TPTE: variants seen among roughly 807,000 people sequenced by gnomAD.
TPTE encodes transmembrane phosphatase with tensin homology.
In TPTE, 59 loss-of-function variants were observed where a neutral mutation model predicts 84.1. The observed-to-expected ratio is 0.70, with a 90% CI of 0.57 to 0.87. The LOEUF (loss-of-function observed/expected upper bound fraction) is 0.87. TPTE is among the 40% of genes least tolerant of loss of function. TPTE has a pLI of 0.00. For missense variants in TPTE, 382 were observed against 659.6 expected (o/e 0.58, Z 4.61); for synonymous variants, 130 against 223.5 (o/e 0.58, Z 3.73).
chr21:10,562,320 A>G (rs1350783066), intron 10 of TPTE, among the ~76,000 whole-genome samples: 1 of 152,308 alleles, frequency 6.6e-6, no homozygotes, highest in Non-Finnish European at 1.5e-5. Context: ...GAAAACTACA[A>G]TCAATACCTA....
At chr21:10,580,545 G>A (rs1165718863) in intron 17 of TPTE, among the ~76,000 whole-genome samples, 1 of 152,308 alleles carries the variant, frequency 6.6e-6, no homozygotes, top group Non-Finnish European at 1.5e-5. Flanking sequence ...GAGATAGGTT[G>A]CAATTTCATT....
At chr21:10,576,734 T>A (rs2075158922) in intron 14 of TPTE, 1 of 152,336 alleles carries the variant, frequency 6.6e-6, no homozygotes, top group South Asian at 2.1e-4. Flanking sequence ...TGTGTATGTT[T>A]CAGAAAGATG....
intron 21 of TPTE, among the ~76,000 whole-genome samples, chr21:10,598,959 A>AATACG (rs1568786857): frequency 6.6e-6 from 1 of 152,312 alleles, no homozygotes; most frequent in Non-Finnish European, 1.5e-5. Flanking sequence ...TTACTCTTAA[A>AATACG]GGATGACCCG....
intron 7 of TPTE, among the ~76,000 whole-genome samples, chr21:10,549,965 G>C (rs2074542779): frequency 6.6e-6 from 1 of 152,306 alleles, no homozygotes; most frequent in African/African-American, 2.4e-5. Flanking sequence ...ACTAACAGCT[G>C]ATTTCCCAGT....
intron 3 of TPTE, among the ~76,000 whole-genome samples, chr21:10,531,491 C>G (rs1188692478): frequency 6.6e-6 from 1 of 152,308 alleles, no homozygotes; most frequent in Non-Finnish European, 1.5e-5. Context: ...AACTGTGAGC[C>G]AAATAAACCT....
chr21:10,557,394 A>G (rs548880611), intron 8 of TPTE, among the ~76,000 whole-genome samples: 8 of 152,424 alleles, frequency 5.2e-5, no homozygotes, highest in Non-Finnish European at 8.8e-5. Context: ...GGTACACTGA[A>G]ACAGATTAAG....
In TPTE at chr21:10,561,937, G is replaced by A. The variant is rs574822842; in HGVS notation, c.446+746G>A. Among the ~76,000 whole-genome samples the A allele has an allele frequency of 2.8e-4, 43 of 152,396 alleles. No homozygotes were observed. The East Asian group carries it at 5.2e-3, about 18-fold the overall frequency. ...TACAGCAGGTCTTGGGCAAGACCCCGTGCTGTGCTGGCCTCAGGTCTGACC... is the reference window on the plus strand; with the variant it reads ...TACAGCAGGTCTTGGGCAAGACCCCATGCTGTGCTGGCCTCAGGTCTGACC... On this transcript the variant is annotated intron_variant, in intron 10 of 23. Transcript: ENST00000618007.
intron 21 of TPTE, among the ~76,000 whole-genome samples, chr21:10,599,884 G>A (rs545004280): frequency 6.6e-6 from 1 of 151,996 alleles, no homozygotes; most frequent in African/African-American, 2.4e-5. Context: ...TTGAGCCAGG[G>A]TCTCATTCTG....
At chr21:10,596,914 A>G (rs2145791390) in intron 20 of TPTE, among the ~76,000 whole-genome samples, 2 of 152,430 alleles carry the variant, frequency 1.3e-5, no homozygotes, top group Non-Finnish European at 2.9e-5. Flanking sequence ...AACTGAGGCA[A>G]GAAACTGTGA....
chr21:10,568,667 G>A (rs1331446486), intron 11 of TPTE, among the ~76,000 whole-genome samples: 2 of 152,312 alleles, frequency 1.3e-5, no homozygotes, highest in African/African-American at 2.4e-5. Flanking sequence ...CTCAGCCAAT[G>A]TGGTCCTCTG....
At chr21:10,547,306 G>A (rs1359303564) in intron 7 of TPTE, among the ~76,000 whole-genome samples, 1 of 152,310 alleles carries the variant, frequency 6.6e-6, no homozygotes, top group Non-Finnish European at 1.5e-5. Context: ...GCAAAGGAGT[G>A]GAGACACATC....
intron 3 of TPTE, among the ~76,000 whole-genome samples, chr21:10,535,351 AC>A (rs2074249282): frequency 1.3e-5 from 2 of 152,300 alleles, no homozygotes; most frequent in African/African-American, 2.4e-5. Context: ...GCATACACAT[AC>A]ACACACAGAA....
chr21:10,561,917 C>A (rs2074813292), intron 10 of TPTE, among the ~76,000 whole-genome samples: 1 of 152,430 alleles, frequency 6.6e-6, no homozygotes, highest in Admixed American at 6.5e-5. Flanking sequence ...GTGGTTACAG[C>A]AGGTCTTGGG....
chr21:10,561,029 G>C lies in TPTE; in HGVS notation c.285-1G>C. On this transcript the variant is annotated splice_acceptor_variant, in intron 9 of 23. Transcript: ENST00000618007. LOFTEE classifies it high-confidence loss of function. ...TTTATTTATTTATTTGTTTATTTTA[G>C]ACTATTTGGAGTTTTCCTGGTCTTA... 6.2e-7 allele frequency: 1 copy of C among 1,610,166 alleles called. No homozygotes were observed.
intron 17 of TPTE, among the ~76,000 whole-genome samples, chr21:10,588,763 G>T (rs562809757): frequency 2.0e-5 from 3 of 152,302 alleles, no homozygotes; most frequent in Admixed American, 6.5e-5. Flanking sequence ...CAGTCTTCAA[G>T]CTCTGAAATT....
At chr21:10,588,675 T>C (rs2075411070) in intron 17 of TPTE, among the ~76,000 whole-genome samples, 1 of 152,310 alleles carries the variant, frequency 6.6e-6, no homozygotes, top group South Asian at 2.1e-4. Flanking sequence ...CTTTACATAA[T>C]CTCATATTTC....
At chr21:10,533,975 A>G (rs1176572232) in intron 3 of TPTE, among the ~76,000 whole-genome samples, 14 of 152,426 alleles carry the variant, frequency 9.2e-5, no homozygotes, top group Admixed American at 6.5e-4. Flanking sequence ...AACTGGTTAC[A>G]GCTGGATGTT....
intron 13 of TPTE, among the ~76,000 whole-genome samples, 192 bp downstream of exon 13, chr21:10,569,938 G>T (rs541890111): frequency 6.6e-6 from 1 of 152,312 alleles, no homozygotes; most frequent in Non-Finnish European, 1.5e-5. Context: ...CTCAATTCAA[G>T]ACTACTCAGT....
chr21:10,576,190 C>G (rs1438659273), intron 14 of TPTE: 7 of 164,524 alleles, frequency 4.3e-5, no homozygotes, highest in African/African-American at 1.4e-4. Flanking sequence ...AAATGCCAGT[C>G]GATGATAGAT....
Sources: allele counts gnomAD v4.1 joint callset (sites outside exome capture counted in the v4.1 genomes callset), GRCh38; gene constraint gnomAD v4.1.1; transcripts MANE v1.5; gene names NCBI Gene and HGNC (gene_info 2026-07-23, HGNC 2026-07-21).